The following TNRC6B variants were observed in gnomAD, a reference collection of about 807,000 sequenced individuals.
TNRC6B encodes trinucleotide repeat-containing gene 6B protein.
A neutral mutation model predicts 203.6 loss-of-function variants in TNRC6B; 52 were observed. The ratio of observed to expected loss-of-function variants is 0.26; its 90% CI spans 0.20 to 0.32. The LOEUF is 0.32. Ranked by LOEUF, TNRC6B falls within the 10% of genes least tolerant of loss-of-function variation. The pLI is 1.00. For synonymous variants in TNRC6B, 838 were observed against 845.7 expected (o/e 0.99, Z 0.16); for missense variants, 1,923 against 2,286.2 (o/e 0.84, Z 3.24).
At chr22:40,151,511 G>A (rs1414195220) in intron 3 of TNRC6B, among the ~76,000 whole-genome samples, 1 of 141,778 alleles carries the variant, frequency 7.1e-6, no homozygotes, top group African/African-American at 2.7e-5. Context: ...CTACACTTCA[G>A]CCTGGGCGAC....
At chr22:40,200,631 A>C (rs935981422) in intron 1 of TNRC6B, among the ~76,000 whole-genome samples, 2 of 152,112 alleles carry the variant, frequency 1.3e-5, no homozygotes, top group African/African-American at 4.8e-5. Flanking sequence ...TGAGAAGTAC[A>C]TAAAATTAAA....
In TNRC6B at chr22:40,281,187, T is replaced by G; in HGVS notation, c.3480T>G (p.Pro1160=). 1 of 1,551,566 alleles carries G rather than the reference T, an allele frequency of 6.4e-7. No individual in the cohort carries two copies. The highest frequency in any genetic ancestry group is 8.7e-7 in the Non-Finnish European group (1 of 1,146,900). Reference sequence around the variant, plus strand: ...AGGCTCCCTGCTCTCCCTTCTCCCCTTCTCCCAGCTACAAGCTGTCTCCCT... The same window carrying G: ...AGGCTCCCTGCTCTCCCTTCTCCCCGTCTCCCAGCTACAAGCTGTCTCCCT... ...GDEAPCSPFS[P]SPSYKLSPSG... is the part of the protein sequence containing the mutation. Residue 1160 remains proline, a synonymous_variant, in exon 11 of 23, where the codon CCT becomes CCG. Transcript: ENST00000454349.
chr22:40,153,570 TAAG>T (rs934370153), intron 3 of TNRC6B, among the ~76,000 whole-genome samples: 23 of 148,588 alleles, frequency 1.5e-4, no homozygotes, highest in African/African-American at 5.7e-4. Flanking sequence ...ACAAAAAGAA[TAAG>T]AAGAGGAAGT....
intron 13 of TNRC6B, 80 bp downstream of exon 13, chr22:40,300,666 T>C (rs2071011023): frequency 6.6e-7 from 1 of 1,512,984 alleles, no homozygotes; most frequent in South Asian, 1.3e-5. Context: ...GCTTCCCACA[T>C]CTTTGCCACT....
At chr22:40,279,515 G>A (rs1157041303) in intron 9 of TNRC6B, among the ~76,000 whole-genome samples, 1 of 152,126 alleles carries the variant, frequency 6.6e-6, no homozygotes, top group South Asian at 2.1e-4. Flanking sequence ...TAAATTTTAG[G>A]GCAACCACTG....
In TNRC6B at chr22:40,233,316, G is replaced by A. The variant is rs114534928; in HGVS notation, c.6-12699G>A. 2.0e-3 allele frequency among the ~76,000 whole-genome samples: 297 copies of A among 150,682 alleles called. 1 individual carries two copies. Among genetic ancestry groups the A allele is most frequent in the African/African-American group, 7.0e-3 (288 of 41,012 alleles). On this transcript the variant is annotated intron_variant, in intron 1 of 22. Coordinates refer to ENST00000454349, the MANE Select transcript of TNRC6B (RefSeq NM_001162501.2). The stretch of plus-strand genomic sequence containing the variant: ...CAGCCTGGGCGACAAAGCAAGACTC[G>A]TCACAAAAAAGAAAAAAAAATTATC...
At chr22:40,194,864 G>A (rs2146398316) in intron 1 of TNRC6B, among the ~76,000 whole-genome samples, 1 of 152,330 alleles carries the variant, frequency 6.6e-6, no homozygotes, top group South Asian at 2.1e-4. Flanking sequence ...GCGAACTGGT[G>A]TTTCCTGCTA....
intron 1 of TNRC6B, among the ~76,000 whole-genome samples, chr22:40,240,446 G>A (rs547393697): frequency 1.2e-3 from 184 of 152,274 alleles, no homozygotes; most frequent in Non-Finnish European, 1.6e-3. Context: ...AGCACACTGG[G>A]GTAAGTAGAT....
intron 1 of TNRC6B, among the ~76,000 whole-genome samples, chr22:40,104,351 T>C (rs1358598815): frequency 6.6e-6 from 1 of 152,162 alleles, no homozygotes; most frequent in Non-Finnish European, 1.5e-5. Flanking sequence ...CATTTGTTGC[T>C]ATCCAGAGGG....
At chr22:40,149,991 C>T (rs764922953) in intron 3 of TNRC6B, among the ~76,000 whole-genome samples, 1 of 78,672 alleles carries the variant, frequency 1.3e-5, no homozygotes, top group African/African-American at 1.2e-4. Flanking sequence ...AAATGAAAGC[C>T]AACAAAAAAT....
chr22:40,178,032 C>T lies in TNRC6B; in HGVS notation c.-104C>T, dbSNP rs1212493958. 5.1e-6 allele frequency: 8 copies of T among 1,574,136 alleles called. No homozygotes were observed. Among genetic ancestry groups the T allele is most frequent in the South Asian group, 1.2e-5 (1 of 85,136 alleles). ...TGCTGGTTTCTGAATATTTAAAATA[C>T]AAAAAAACAGATAGACAAAAAGAAT... On this transcript the variant is annotated 5_prime_UTR_variant, in exon 1 of 23. Coordinates refer to ENST00000454349, the MANE Select transcript of TNRC6B (RefSeq NM_001162501.2).
At chr22:40,254,953 C>A (rs1368327151) in intron 3 of TNRC6B, among the ~76,000 whole-genome samples, 5 of 152,122 alleles carry the variant, frequency 3.3e-5, no homozygotes, top group Admixed American at 3.3e-4. Context: ...ATTTACACTT[C>A]CTGCACCACA....
chr22:40,073,150 T>G (rs957269269), intron 1 of TNRC6B, among the ~76,000 whole-genome samples: 5 of 150,526 alleles, frequency 3.3e-5, no homozygotes, highest in African/African-American at 9.8e-5. Flanking sequence ...GGTTTTTTTT[T>G]TTTTTTTTTT....
Position 40,331,637 on chromosome 22 carries a change from G to C in TNRC6B, c.*8396G>C, listed in dbSNP as rs564367850. On this transcript the variant is annotated 3_prime_UTR_variant, in exon 23 of 23. Coordinates refer to ENST00000454349, the MANE Select transcript of TNRC6B (RefSeq NM_001162501.2). ...ATTTTGATACTGAATTTAAGAAGAG[G>C]TTGTTGGATTTTTTTTTTTTTTTTT... The C allele has an allele frequency of 3.1e-6, 1 of 319,146 alleles. No homozygotes were observed. Among genetic ancestry groups the C allele is most frequent in the South Asian group, 1.4e-4 (1 of 6,900 alleles). 19.8% of individuals were successfully genotyped at this position (319,146 alleles called of 1,614,324 possible).
chr22:40,159,210 G>A (rs1384918698), intron 4 of TNRC6B, among the ~76,000 whole-genome samples: 1 of 151,176 alleles, frequency 6.6e-6, no homozygotes, highest in African/African-American at 2.4e-5. Flanking sequence ...TGATCTGCCC[G>A]CCTCGGCCTC....
At chr22:40,306,251 C>T (rs1390243898) in intron 15 of TNRC6B, among the ~76,000 whole-genome samples, 2 of 152,034 alleles carry the variant, frequency 1.3e-5, no homozygotes, top group East Asian at 3.9e-4. Flanking sequence ...AAGATTGTGC[C>T]GCTGCACTCC....
At chr22:40,049,638 C>T (rs1042291112) in intron 1 of TNRC6B, among the ~76,000 whole-genome samples, 2 of 152,176 alleles carry the variant, frequency 1.3e-5, no homozygotes, top group Admixed American at 1.3e-4. Context: ...GAGTCTCGCT[C>T]TGTCGCCCAG....
At chr22:40,086,265 T>G (rs932126825) in intron 1 of TNRC6B, among the ~76,000 whole-genome samples, 1 of 152,198 alleles carries the variant, frequency 6.6e-6, no homozygotes, top group Non-Finnish European at 1.5e-5. Flanking sequence ...TTTTTATCAG[T>G]TTTCATAATA....
chr22:40,126,583 T>TTA (rs2068495804), intron 3 of TNRC6B, among the ~76,000 whole-genome samples: 1 of 115,708 alleles, frequency 8.6e-6, no homozygotes, highest in African/African-American at 5.2e-5. Context: ...TTATTTAATT[T>TTA]TTTTTTTTTT....
Sources: allele counts gnomAD v4.1 joint callset (sites outside exome capture counted in the v4.1 genomes callset), GRCh38; gene constraint gnomAD v4.1.1; transcripts MANE v1.5; gene names NCBI Gene and HGNC (gene_info 2026-07-23, HGNC 2026-07-21).